Variants in PGR observed in about 807,000 individuals in gnomAD.
PGR encodes progesterone receptor, also known as nuclear receptor subfamily 3 group C member 3.
In PGR, 25 loss-of-function variants were observed where a neutral mutation model predicts 76.1. The observed-to-expected ratio is 0.33, with a 90% confidence interval of 0.24 to 0.46. The LOEUF (loss-of-function observed/expected upper bound fraction) is 0.46. Ranked by LOEUF, PGR falls within the 20% of genes least tolerant of loss-of-function variation. PGR has a pLI of 1.00. For missense variants in PGR, 1,172 were observed against 1,225.3 expected (o/e 0.96, Z 0.65); for synonymous variants, 579 against 535.0 (o/e 1.08, Z -1.14).
intron 4 of PGR, among the ~76,000 whole-genome samples, chr11:101,052,563 G>A (rs1310169628): frequency 6.6e-6 from 1 of 152,088 alleles, no homozygotes. Context: ...GGTCTTGCAA[G>A]TCTATTAAGG....
At chr11:101,041,195 T>C (rs1443523330) in intron 7 of PGR, among the ~76,000 whole-genome samples, 2 of 152,038 alleles carry the variant, frequency 1.3e-5, no homozygotes, top group Non-Finnish European at 2.9e-5. Context: ...TTTAGAGGCT[T>C]TACTCAAATA....
At position 101,035,639 on chromosome 11, in the gene PGR, A is replaced by C. The variant is rs934936855; in HGVS notation, c.*3477T>G. 2.2e-5 allele frequency: 5 copies of C among 231,932 alleles called. No homozygotes were observed. The highest frequency in any genetic ancestry group is 1.1e-4 in the African/African-American group (5 of 45,300). The allele number at this position is 231,932 out of a possible 1,614,324, so 14.4% of individuals were successfully genotyped here. ...GCTCTCTGTTCTAAAAAGACACTTA[A>C]AAATGTTAAAATCAGTGTCATTATT... is the stretch of plus-strand genomic sequence containing the variant. On this transcript the variant is annotated 3_prime_UTR_variant, in exon 8 of 8. Transcript: ENST00000325455.
At chr11:101,054,940 TAAAAA>T (rs962675720) in intron 4 of PGR, among the ~76,000 whole-genome samples, 5 of 151,206 alleles carry the variant, frequency 3.3e-5, no homozygotes, top group Non-Finnish European at 7.4e-5. Context: ...CACAATGCCA[TAAAAA>T]AAAGTGTTAG....
chr11:101,039,961 A>T (rs902648162), intron 7 of PGR, among the ~76,000 whole-genome samples: 1 of 152,048 alleles, frequency 6.6e-6, no homozygotes, highest in African/African-American at 2.4e-5. Context: ...AAGCTCTCTT[A>T]TACTAGACAC....
At chr11:101,122,164 A>C (rs1862700454) in intron 2 of PGR, among the ~76,000 whole-genome samples, 1 of 48,522 alleles carries the variant, frequency 2.1e-5, no homozygotes, top group African/African-American at 7.7e-5. Context: ...AAAAAAAAAA[A>C]AAAAAAGTGA....
intron 2 of PGR, among the ~76,000 whole-genome samples, chr11:101,101,985 A>G (rs1223495009): frequency 6.6e-6 from 1 of 152,164 alleles, no homozygotes; most frequent in Non-Finnish European, 1.5e-5. Context: ...GATTCTTGTC[A>G]AAACGTTTAA....
chr11:101,069,413 G>A (rs1224525402), intron 3 of PGR, among the ~76,000 whole-genome samples: 1 of 152,208 alleles, frequency 6.6e-6, no homozygotes, highest in Non-Finnish European at 1.5e-5. Flanking sequence ...CTGTTGGTGG[G>A]AGTGTAAATT....
In PGR at chr11:101,098,445, A is replaced by C. The variant is rs372585510; in HGVS notation, c.1790-6569T>G. ...TTTAAGGAATGAAATAGTGAAAGTC[A>C]GTATGGTATGACCCACAAGTCACGG... is the stretch of plus-strand genomic sequence containing the variant. On this transcript the variant is annotated intron_variant, in intron 2 of 7. Coordinates refer to ENST00000325455, the MANE Select transcript of PGR (RefSeq NM_000926.4). Among the ~76,000 whole-genome samples, 12 of 152,320 alleles carry C rather than the reference A, an allele frequency of 7.9e-5. No homozygotes were observed. The South Asian group carries it at 1.2e-3, about 16-fold the overall frequency.
At chr11:101,112,314 T>C (rs1198799580) in intron 2 of PGR, among the ~76,000 whole-genome samples, 1 of 152,152 alleles carries the variant, frequency 6.6e-6, no homozygotes, top group Non-Finnish European at 1.5e-5. Context: ...GAGCATGTTG[T>C]AGGCTGACAG....
intron 3 of PGR, among the ~76,000 whole-genome samples, chr11:101,074,149 CTG>C (rs1006891560): frequency 6.6e-6 from 1 of 152,122 alleles, no homozygotes; most frequent in Non-Finnish European, 1.5e-5. Context: ...AGTTTCATCC[CTG>C]AGATGAAAGC....
rs770473990 is a variant in PGR at position 101,033,965 on chromosome 11, C to A, written c.*5151G>T. The A allele has an allele frequency of 4.4e-6, 1 of 226,770 alleles. No individual in the cohort carries two copies. The highest frequency in any genetic ancestry group is 5.7e-5 in the Admixed American group (1 of 17,524). 14.0% of individuals were successfully genotyped at this position (226,770 alleles called of 1,614,324 possible). ...TAGCATATGTCCTGAAAACTATTTA[C>A]AATACCATTTAAATATTTTATTCAT... On this transcript the variant is annotated 3_prime_UTR_variant, in exon 8 of 8. Transcript: ENST00000325455.
chr11:101,029,696 A>G lies in PGR; in HGVS notation c.*9420T>C, dbSNP rs1859291230. Reference sequence around the variant, plus strand: ...AGTTAAATTCACAATATTTTTAAAGAAAACATTATGTGAAGATGATTCATT... The same window carrying G: ...AGTTAAATTCACAATATTTTTAAAGGAAACATTATGTGAAGATGATTCATT... On this transcript the variant is annotated 3_prime_UTR_variant, in exon 8 of 8. Transcript: ENST00000325455. 1.5e-5 allele frequency: 3 copies of G among 205,912 alleles called. No individual in the cohort carries two copies. The allele number at this position is 205,912 out of a possible 1,614,324, so 12.8% of individuals were successfully genotyped here. A position where few individuals can be genotyped will look rare whatever the true frequency, so the allele number is the denominator to read the frequency against.
intron 7 of PGR, among the ~76,000 whole-genome samples, chr11:101,041,088 T>C (rs1003634837): frequency 6.6e-6 from 1 of 151,900 alleles, no homozygotes; most frequent in African/African-American, 2.4e-5. Flanking sequence ...TACCGTATCA[T>C]TCTTATTTCT....
intron 2 of PGR, among the ~76,000 whole-genome samples, chr11:101,093,801 C>T (rs185210090): frequency 1.6e-3 from 240 of 152,294 alleles, no homozygotes; most frequent in Non-Finnish European, 3.1e-3. Flanking sequence ...AAATAGAGCA[C>T]GCAGATGTAA....
At position 101,128,319 on chromosome 11, in the gene PGR, C is replaced by A; in HGVS notation, c.752G>T (p.Gly251Val). The A allele has an allele frequency of 6.3e-7, 1 of 1,595,012 alleles. No homozygotes were observed. The highest frequency in any genetic ancestry group is 8.5e-7 in the Non-Finnish European group (1 of 1,176,742). ...CCCCGGCGGGACAGCCGCGGCTCCT[C>A]CTCCAGCCGCCGCGCCACCCAGAGC... is the stretch of plus-strand genomic sequence containing the variant. The part of the protein sequence containing the change: ...PRALGGAAAG[G>V]GAAAVPPGAA... Residue 251 changes from glycine (G) to valine (V), a missense_variant, in exon 1 of 8, where the codon GGA becomes GTA. Transcript: ENST00000325455.
chr11:101,081,733 T>C (rs937035492), intron 3 of PGR, among the ~76,000 whole-genome samples: 4 of 152,096 alleles, frequency 2.6e-5, no homozygotes, highest in African/African-American at 4.8e-5. Flanking sequence ...CACTAGACCA[T>C]CCTTACAAGA....
chr11:101,086,554 C>T (rs529186502), intron 3 of PGR, among the ~76,000 whole-genome samples: 2 of 152,158 alleles, frequency 1.3e-5, no homozygotes, highest in African/African-American at 2.4e-5. Flanking sequence ...TCACTCTCAC[C>T]ACTCCTGTTA....
intron 6 of PGR, among the ~76,000 whole-genome samples, chr11:101,047,333 C>T (rs775921999): frequency 6.6e-6 from 1 of 152,080 alleles, no homozygotes; most frequent in Non-Finnish European, 1.5e-5. Flanking sequence ...GACATAAGTG[C>T]TATAGGATTC....
At chr11:101,052,342 G>A (rs994982328) in intron 4 of PGR, among the ~76,000 whole-genome samples, 1 of 150,164 alleles carries the variant, frequency 6.7e-6, no homozygotes, top group Non-Finnish European at 1.5e-5. Context: ...TGGTGTGAAT[G>A]CTTTGGTCTT....
Sources: gnomAD v4.1 joint callset for allele counts (sites outside exome capture counted in the v4.1 genomes callset) on GRCh38, gnomAD v4.1.1 for gene constraint, MANE v1.5 for transcripts, NCBI Gene and HGNC (gene_info 2026-07-23, HGNC 2026-07-21) for gene names.